CTNNA3: variants seen among roughly 807,000 people sequenced by gnomAD.
CTNNA3 encodes the protein catenin alpha-3.
Under a neutral mutation model 95.7 loss-of-function variants are expected in CTNNA3, and 76 were observed. The ratio of observed to expected loss-of-function variants is 0.79; its 90% CI spans 0.66 to 0.96. The LOEUF (loss-of-function observed/expected upper bound fraction) is 0.96. Ranked by LOEUF, CTNNA3 falls within the 40% of genes least tolerant of loss-of-function variation. The probability of loss-of-function intolerance (pLI) is 0.00; values close to 1 mark genes in which losing one functional copy is unlikely to be tolerated. For synonymous variants in CTNNA3, 431 were observed against 374.4 expected (o/e 1.15, Z -1.74); for missense variants, 1,191 against 1,089.8 (o/e 1.09, Z -1.31).
chr10:67,311,329 C>T (rs1364515417), intron 5 of CTNNA3, among the ~76,000 whole-genome samples: 1 of 152,052 alleles, frequency 6.6e-6, no homozygotes, highest in African/African-American at 2.4e-5. Flanking sequence ...GAGCAGCTTC[C>T]AAGCTCTATA....
At chr10:66,686,338 CTG>C (rs1847296067) in intron 9 of CTNNA3, among the ~76,000 whole-genome samples, 1 of 152,164 alleles carries the variant, frequency 6.6e-6, no homozygotes, top group African/African-American at 2.4e-5. Context: ...AATGACACAC[CTG>C]TCAGCCCAGC....
At chr10:67,122,280 T>C (rs1029515707) in intron 7 of CTNNA3, among the ~76,000 whole-genome samples, 3 of 152,138 alleles carry the variant, frequency 2.0e-5, no homozygotes, top group Non-Finnish European at 2.9e-5. Flanking sequence ...TTTTTAATTA[T>C]TTTATTTTCT....
At position 66,602,990 on chromosome 10, in the gene CTNNA3, T is replaced by G. The variant is rs10997257; in HGVS notation, c.1374+18702A>C. 2.1e-3 allele frequency among the ~76,000 whole-genome samples: 317 copies of G among 152,064 alleles called. 17 individuals carry two copies. The East Asian group carries it at 0.043, about 21-fold the overall frequency. On this transcript the variant is annotated intron_variant, in intron 10 of 17. Transcript: ENST00000433211. ...TGTGACAAACCTATAGCAATCATAG[T>G]GAATGGGGAAAACTCTAAGCCTTTT...
At chr10:66,128,783 A>C (rs754532707) in intron 13 of CTNNA3, among the ~76,000 whole-genome samples, 1 of 152,190 alleles carries the variant, frequency 6.6e-6, no homozygotes, top group Non-Finnish European at 1.5e-5. Flanking sequence ...GATTTTGGGC[A>C]AAAATTATGT....
At chr10:67,158,908 G>A (rs1179168661) in intron 7 of CTNNA3, among the ~76,000 whole-genome samples, 2 of 151,732 alleles carry the variant, frequency 1.3e-5, no homozygotes, top group Non-Finnish European at 2.9e-5. Context: ...TCAAAGGGGG[G>A]AAAGGAGGGA....
chr10:66,282,222 A>C (rs566742469), intron 12 of CTNNA3, among the ~76,000 whole-genome samples: 131 of 151,868 alleles, frequency 8.6e-4, no homozygotes, highest in Admixed American at 2.1e-3. Flanking sequence ...GCAAACTCAT[A>C]CCACTTTGCC....
chr10:66,434,511 C>T (rs2093322874), intron 11 of CTNNA3, among the ~76,000 whole-genome samples: 1 of 152,286 alleles, frequency 6.6e-6, no homozygotes, highest in South Asian at 2.1e-4. Flanking sequence ...TGAGACTCTG[C>T]TGAAGTTGCT....
chr10:66,259,662 G>A (rs2090923139), intron 13 of CTNNA3, among the ~76,000 whole-genome samples: 1 of 152,144 alleles, frequency 6.6e-6, no homozygotes, highest in Non-Finnish European at 1.5e-5. Context: ...GAGGATTTGA[G>A]GTTTCCTCTC....
intron 11 of CTNNA3, among the ~76,000 whole-genome samples, chr10:66,388,059 T>G (rs1335984297): frequency 6.6e-6 from 1 of 152,038 alleles, no homozygotes; most frequent in African/African-American, 2.4e-5. Flanking sequence ...CAAACCTACA[T>G]GTTGTGCACA....
At chr10:66,055,921 CAAA>C (rs386371652) in intron 15 of CTNNA3, among the ~76,000 whole-genome samples, 2 of 60,212 alleles carry the variant, frequency 3.3e-5, no homozygotes, top group African/African-American at 1.3e-4. Flanking sequence ...GACTCCATCT[CAAA>C]AAAAAAAAAA....
At chr10:67,677,360 C>T (rs767250500) in intron 1 of CTNNA3, among the ~76,000 whole-genome samples, 14 of 152,248 alleles carry the variant, frequency 9.2e-5, no homozygotes, top group East Asian at 1.9e-4. Flanking sequence ...TACTTACACA[C>T]GCACGCATGC....
intron 5 of CTNNA3, among the ~76,000 whole-genome samples, chr10:67,486,393 C>A (rs1190824443): frequency 6.6e-6 from 1 of 152,164 alleles, no homozygotes; most frequent in Non-Finnish European, 1.5e-5. Flanking sequence ...TCTTCTAGTT[C>A]TTGATAGTCT....
intron 6 of CTNNA3, among the ~76,000 whole-genome samples, chr10:67,195,139 CTACTA>C (rs1473102611): frequency 6.6e-6 from 1 of 150,894 alleles, no homozygotes; most frequent in Non-Finnish European, 1.5e-5. Context: ...AAAGGGGCTC[CTACTA>C]TTTAATTCCT....
intron 7 of CTNNA3, among the ~76,000 whole-genome samples, chr10:66,853,820 T>C (rs935977242): frequency 2.0e-5 from 3 of 152,092 alleles, no homozygotes; most frequent in African/African-American, 4.8e-5. Flanking sequence ...CTTCTAGATA[T>C]TGAGAAAAGT....
chr10:66,958,270 C>T (rs903387399), intron 7 of CTNNA3, among the ~76,000 whole-genome samples: 8 of 115,840 alleles, frequency 6.9e-5, no homozygotes, highest in African/African-American at 2.6e-4. Context: ...TATTGGTTAA[C>T]AAACCACAGG....
intron 5 of CTNNA3, among the ~76,000 whole-genome samples, chr10:67,380,160 G>A (rs1321043678): frequency 1.3e-5 from 2 of 151,986 alleles, no homozygotes; most frequent in African/African-American, 4.8e-5. Flanking sequence ...GAAGAAATAA[G>A]AGGAATCTGA....
At chr10:66,714,008 T>C (rs1242813542) in intron 9 of CTNNA3, among the ~76,000 whole-genome samples, 1 of 152,090 alleles carries the variant, frequency 6.6e-6, no homozygotes, top group Non-Finnish European at 1.5e-5. Flanking sequence ...TAGAATATAA[T>C]GAAGTAAAAA....
At chr10:67,641,894 G>A (rs56662628) in intron 2 of CTNNA3, among the ~76,000 whole-genome samples, 20,196 of 151,914 alleles carry the variant, frequency 0.13, 2,418 homozygotes, top group African/African-American at 0.32. Context: ...GCATTAGGAG[G>A]TATACCTAAT....
chr10:67,006,808 T>C (rs141778083), intron 7 of CTNNA3, among the ~76,000 whole-genome samples: 1 of 147,716 alleles, frequency 6.8e-6, no homozygotes, highest in African/African-American at 2.5e-5. Context: ...TTTTTTTTTC[T>C]TTTGAGATGG....
Sources: gnomAD v4.1 joint callset for allele counts (sites outside exome capture counted in the v4.1 genomes callset) on GRCh38, gnomAD v4.1.1 for gene constraint, MANE v1.5 for transcripts, NCBI Gene and HGNC (gene_info 2026-07-23, HGNC 2026-07-21) for gene names.